Variants in LOC400499 observed in about 807,000 individuals in gnomAD.
At chr16:11,403,004 C>T in the LOC400499 span, among the ~76,000 whole-genome samples, 5 of 152,096 alleles carry the variant, frequency 3.3e-5, no homozygotes, top group Admixed American at 6.5e-5. Flanking sequence ...ATAGCTGAGT[C>T]CTCGCAACAA....
the LOC400499 span, among the ~76,000 whole-genome samples, chr16:11,457,996 G>A: frequency 2.6e-5 from 4 of 152,354 alleles, no homozygotes; most frequent in Non-Finnish European, 4.4e-5. Context: ...GGGTTCAGGA[G>A]TTCGAGACCA....
At chr16:11,441,308 G>T in the LOC400499 span, among the ~76,000 whole-genome samples, 107 of 152,238 alleles carry the variant, frequency 7.0e-4, no homozygotes, top group African/African-American at 2.5e-3. Flanking sequence ...TGGAACAAAT[G>T]TGAATGTGTC....
At chr16:11,412,833 C>A in the LOC400499 span, 8 of 399,124 alleles carry the variant, frequency 2.0e-5, no homozygotes, top group Admixed American at 1.3e-4. Context: ...CCTGGGGGCC[C>A]CCCTCACCTG....
At chr16:11,471,043 G>C in the LOC400499 span, among the ~76,000 whole-genome samples, 1 of 152,226 alleles carries the variant, frequency 6.6e-6, no homozygotes, top group African/African-American at 2.4e-5. Flanking sequence ...AGGGCCTGTG[G>C]GTCACGGCGT....
the LOC400499 span, among the ~76,000 whole-genome samples, chr16:11,386,520 C>G: frequency 6.6e-6 from 1 of 152,228 alleles, no homozygotes; most frequent in South Asian, 2.1e-4. Flanking sequence ...ACATAAAGCA[C>G]TCCTTGCCAA....
chr16:11,382,867 A>ACTTAG, the LOC400499 span, among the ~76,000 whole-genome samples: 350 of 152,266 alleles, frequency 2.3e-3, 1 homozygote, highest in Non-Finnish European at 3.2e-3. Context: ...CTCTGTGGAC[A>ACTTAG]CTTAGCTTAG....
chr16:11,455,765 GAAAC>G, the LOC400499 span, among the ~76,000 whole-genome samples: 3 of 149,040 alleles, frequency 2.0e-5, no homozygotes, highest in Non-Finnish European at 3.0e-5. Flanking sequence ...AAGAAAAAGA[GAAAC>G]AAACAAACAA....
At chr16:11,373,654 C>T in the LOC400499 span, among the ~76,000 whole-genome samples, 31 of 151,298 alleles carry the variant, frequency 2.0e-4, no homozygotes, top group Non-Finnish European at 4.1e-4. Context: ...GAGTCTTGCT[C>T]TGTCGCCCAG....
chr16:11,438,450 C>T, the LOC400499 span, among the ~76,000 whole-genome samples: 1 of 151,854 alleles, frequency 6.6e-6, no homozygotes, highest in African/African-American at 2.4e-5. Context: ...ACCCAATACA[C>T]AGGGAATGAA....
At chr16:11,476,089 T>TG in the LOC400499 span, among the ~76,000 whole-genome samples, 2 of 141,770 alleles carry the variant, frequency 1.4e-5, no homozygotes, top group Admixed American at 1.5e-4. Flanking sequence ...GCAAAGGCCC[T>TG]GGGGTAGGAA....
the LOC400499 span, among the ~76,000 whole-genome samples, chr16:11,412,009 T>C: frequency 1.3e-5 from 2 of 152,086 alleles, no homozygotes; most frequent in Non-Finnish European, 2.9e-5. Context: ...ACTACAAGCA[T>C]GCGTCACCAT....
the LOC400499 span, among the ~76,000 whole-genome samples, chr16:11,515,556 TGAAG>T: frequency 6.7e-6 from 1 of 150,356 alleles, no homozygotes; most frequent in African/African-American, 2.5e-5. Context: ...TAAAATTTCT[TGAAG>T]GAAAGAGGAG....
chr16:11,441,107 G>A, the LOC400499 span: 1 of 398,876 alleles, frequency 2.5e-6, no homozygotes. Context: ...GGCACTGAGA[G>A]AGGTCTCATC....
chr16:11,523,529 C>A, the LOC400499 span: 3 of 398,372 alleles, frequency 7.5e-6, no homozygotes, highest in Admixed American at 8.8e-5. Flanking sequence ...CATAAGATAG[C>A]CCCACGCTAT....
the LOC400499 span, chr16:11,391,527 G>GGGCTACA: frequency 1.5e-6 from 1 of 652,502 alleles, no homozygotes; most frequent in Non-Finnish European, 2.2e-6. Flanking sequence ...AAACACAGCT[G>GGGCTACA]GGCTACAGGC....
chr16:11,410,401 C>A, the LOC400499 span, among the ~76,000 whole-genome samples: 1 of 152,130 alleles, frequency 6.6e-6, no homozygotes, highest in East Asian at 1.9e-4. Context: ...TTGCAGTGAG[C>A]CGAAATTGTG....
the LOC400499 span, among the ~76,000 whole-genome samples, chr16:11,511,656 G>A: frequency 1.3e-5 from 2 of 152,220 alleles, no homozygotes; most frequent in African/African-American, 2.4e-5. Context: ...GCAGAAAGTA[G>A]TTGAGTGGCT....
At chr16:11,420,607 C>A in the LOC400499 span, among the ~76,000 whole-genome samples, 8 of 101,752 alleles carry the variant, frequency 7.9e-5, no homozygotes, top group South Asian at 2.4e-3. Flanking sequence ...ACCCCCCCCC[C>A]CGGAAAAAAA....
the LOC400499 span, among the ~76,000 whole-genome samples, chr16:11,458,031 T>C: frequency 6.6e-6 from 1 of 151,312 alleles, no homozygotes; most frequent in African/African-American, 2.4e-5. Flanking sequence ...GTAAAACCCC[T>C]GTCTCTACGA....
Sources: allele counts gnomAD v4.1 joint callset (sites outside exome capture counted in the v4.1 genomes callset), GRCh38; gene constraint gnomAD v4.1.1; transcripts MANE v1.5.